ATP8B4: variants seen among roughly 807,000 people sequenced by gnomAD.
The protein encoded by ATP8B4 is ATPase phospholipid transporting 8B4 (putative), also known as probable phospholipid-transporting ATPase IM.
ATP8B4 carries 133 observed loss-of-function variants against 145.6 expected under a neutral mutation model. That is an observed-to-expected ratio of 0.91 (90% CI 0.79 to 1.05). ATP8B4 has a LOEUF of 1.05. Ranked by LOEUF, ATP8B4 falls within the 50% of genes least tolerant of loss-of-function variation. The probability of loss-of-function intolerance (pLI) is 0.00; values close to 1 mark genes in which losing one functional copy is unlikely to be tolerated. For synonymous variants in ATP8B4, 507 were observed against 492.9 expected (o/e 1.03, Z -0.38); for missense variants, 1,458 against 1,425.2 (o/e 1.02, Z -0.37).
At chr15:49,878,823 G>A (rs1013156085) in intron 24 of ATP8B4, among the ~76,000 whole-genome samples, 3 of 152,200 alleles carry the variant, frequency 2.0e-5, no homozygotes, top group Non-Finnish European at 4.4e-5. Context: ...TGTGGCTCCT[G>A]TTCTGGGCTG....
intron 1 of ATP8B4, among the ~76,000 whole-genome samples, chr15:50,154,713 C>T (rs2044390220): frequency 1.3e-5 from 2 of 151,706 alleles, no homozygotes; most frequent in South Asian, 4.2e-4. Flanking sequence ...CTCACTCTGT[C>T]ACCCAGGCTG....
At chr15:49,944,032 A>C (rs1165893741) in intron 14 of ATP8B4, among the ~76,000 whole-genome samples, 1 of 152,184 alleles carries the variant, frequency 6.6e-6, no homozygotes, top group Non-Finnish European at 1.5e-5. Flanking sequence ...CATCTTATGT[A>C]ATCTCCAAGG....
At chr15:50,094,121 AGTTCTGGTGTGTCTGTGAG>A (rs1282924939) in intron 2 of ATP8B4, among the ~76,000 whole-genome samples, 3 of 152,196 alleles carry the variant, frequency 2.0e-5, no homozygotes, top group Non-Finnish European at 4.4e-5. Context: ...GGTCAAGCAC[AGTTCTGGTGTGTCTGTGAG>A]GGTCTTTCTG....
At position 49,958,757 on chromosome 15, in the gene ATP8B4, T is replaced by TTCCAAAAATATA. The variant is rs2043808646; in HGVS notation, c.1287+3219_1287+3220insTATATTTTTGGA. Among the ~76,000 whole-genome samples, 3 of 151,958 alleles carry TTCCAAAAATATA rather than the reference T, an allele frequency of 2.0e-5. No individual in the cohort carries two copies. In the South Asian group the frequency reaches 6.2e-4, roughly 32 times the overall value. On this transcript the variant is annotated intron_variant, in intron 14 of 27. Transcript: ENST00000284509. ...GACAATATTCTAAAAAAATATAATT[T>TTCCAAAAATATA]TCCAAATCACTCCAAAAGAGATAGA...
intron 3 of ATP8B4, among the ~76,000 whole-genome samples, chr15:50,066,000 C>G (rs1953022217): frequency 2.3e-5 from 3 of 130,088 alleles, no homozygotes; most frequent in African/African-American, 8.6e-5. Flanking sequence ...AATTCAGAGG[C>G]CAGAAAAAAA....
intron 1 of ATP8B4, among the ~76,000 whole-genome samples, chr15:50,151,740 C>CAAAA (rs58413585): frequency 1.1e-5 from 1 of 91,770 alleles, no homozygotes; most frequent in African/African-American, 4.2e-5. Flanking sequence ...GAACCTGTCT[C>CAAAA]AAAAAAAAAA....
intron 6 of ATP8B4, among the ~76,000 whole-genome samples, chr15:50,017,625 G>T (rs1196955759): frequency 6.6e-6 from 1 of 152,066 alleles, no homozygotes; most frequent in African/African-American, 2.4e-5. Context: ...TGCCCATATA[G>T]AGCCAAGTGA....
chr15:49,958,818 A>G (rs28396430), intron 14 of ATP8B4, among the ~76,000 whole-genome samples: 143 of 152,108 alleles, frequency 9.4e-4, no homozygotes, highest in African/African-American at 3.2e-3. Flanking sequence ...ACAAGACTGT[A>G]AGAACATTAT....
At chr15:50,165,285 T>A (rs1258640428) in intron 1 of ATP8B4, among the ~76,000 whole-genome samples, 2 of 152,172 alleles carry the variant, frequency 1.3e-5, no homozygotes, top group African/African-American at 4.8e-5. Context: ...ACTCTTGACC[T>A]CCAGTGATCT....
At chr15:49,872,179 T>C (rs1190646868) in intron 25 of ATP8B4, among the ~76,000 whole-genome samples, 1 of 152,212 alleles carries the variant, frequency 6.6e-6, no homozygotes, top group African/African-American at 2.4e-5. Context: ...TAATCACAGA[T>C]GCCTTTATTA....
intron 1 of ATP8B4, among the ~76,000 whole-genome samples, chr15:50,171,461 G>C (rs1042090527): frequency 6.6e-6 from 1 of 152,108 alleles, no homozygotes; most frequent in African/African-American, 2.4e-5. Flanking sequence ...ATGAGCTTTG[G>C]GTAAAAACGA....
At chr15:49,970,918 G>A (rs2153520753) in intron 13 of ATP8B4, among the ~76,000 whole-genome samples, 1 of 152,116 alleles carries the variant, frequency 6.6e-6, no homozygotes, top group East Asian at 1.9e-4. Context: ...GCTACCAAAA[G>A]AGATATATAG....
chr15:50,158,532 C>T (rs555737589), intron 1 of ATP8B4, among the ~76,000 whole-genome samples: 170 of 151,876 alleles, frequency 1.1e-3, no homozygotes, highest in African/African-American at 3.9e-3. Context: ...AGGTGGGGGG[C>T]GCCTCTGCCT....
intron 6 of ATP8B4, among the ~76,000 whole-genome samples, chr15:50,031,368 T>G (rs2050429566): frequency 2.0e-5 from 3 of 152,120 alleles, no homozygotes; most frequent in Non-Finnish European, 4.4e-5. Context: ...GGGCTGGAGA[T>G]AAAAGACTCC....
At chr15:50,075,117 A>G (rs2054093533) in intron 2 of ATP8B4, among the ~76,000 whole-genome samples, 1 of 152,198 alleles carries the variant, frequency 6.6e-6, no homozygotes, top group African/African-American at 2.4e-5. Flanking sequence ...GATTGCAGTA[A>G]GAGTCTGAGT....
intron 20 of ATP8B4, among the ~76,000 whole-genome samples, chr15:49,914,484 A>C (rs138452638): frequency 4.6e-5 from 7 of 152,298 alleles, no homozygotes; most frequent in African/African-American, 1.4e-4. Flanking sequence ...GTGAGACTAC[A>C]TGAAATGAAA....
intron 1 of ATP8B4, among the ~76,000 whole-genome samples, chr15:50,175,342 G>A (rs1186917311): frequency 4.6e-5 from 7 of 152,158 alleles, no homozygotes; most frequent in South Asian, 2.1e-4. Context: ...AGGAACAGCA[G>A]AGTAAATAGA....
Position 50,173,652 on chromosome 15 carries a change from ACCCTGCCAAAT to A in ATP8B4, c.-43+8598_-43+8608del, listed in dbSNP as rs537657654. 3.2e-4 allele frequency among the ~76,000 whole-genome samples: 49 copies of A among 152,054 alleles called. 1 individual carries two copies. The South Asian group carries it at 0.01, about 32-fold the overall frequency. On this transcript the variant is annotated intron_variant, in intron 1 of 3. Transcript: ENST00000558829. ...ACCTTCCCTCCACTATTGTCCTATG[ACCCTGCCAAAT>A]CCCCCTCTCCGAGAAACACCCAAAA...
chr15:50,095,951 T>C (rs952264553), intron 2 of ATP8B4, among the ~76,000 whole-genome samples: 2 of 152,206 alleles, frequency 1.3e-5, no homozygotes, highest in Non-Finnish European at 1.5e-5. Flanking sequence ...TAAAGCGATA[T>C]TGATAAAACT....
Sources: gnomAD v4.1 joint callset for allele counts (sites outside exome capture counted in the v4.1 genomes callset) on GRCh38, gnomAD v4.1.1 for gene constraint, MANE v1.5 for transcripts, NCBI Gene and HGNC (gene_info 2026-07-23, HGNC 2026-07-21) for gene names.